XRCC5: variants seen among roughly 807,000 people sequenced by gnomAD.
XRCC5 encodes X-ray repair cross complementing 5.
In XRCC5, 12 loss-of-function variants were observed where a neutral mutation model predicts 95.7. The ratio of observed to expected loss-of-function variants is 0.13; its 90% CI spans 0.08 to 0.20. The LOEUF is 0.20. Among genes scored for constraint, XRCC5 ranks in the 10% least tolerant of loss-of-function variants. XRCC5 has a pLI of 1.00. For missense variants in XRCC5, 595 were observed against 873.9 expected, an observed-to-expected ratio of 0.68 and a Z score of 4.02; for synonymous variants, 281 against 290.3, an observed-to-expected ratio of 0.97 and a Z score of 0.33.
At chr2:216,151,475 C>T (rs1414710599) in intron 14 of XRCC5, among the ~76,000 whole-genome samples, 1 of 152,192 alleles carries the variant, frequency 6.6e-6, no homozygotes, top group East Asian at 1.9e-4. Context: ...CAGCAGACAT[C>T]CTCACTTGGT....
chr2:216,179,992 G>C (rs1224162452), intron 16 of XRCC5, among the ~76,000 whole-genome samples: 1 of 152,166 alleles, frequency 6.6e-6, no homozygotes, highest in Non-Finnish European at 1.5e-5. Flanking sequence ...CTGATCATTT[G>C]AATGTAGAGT....
chr2:216,167,163 C>T (rs561942164), intron 16 of XRCC5, among the ~76,000 whole-genome samples: 124 of 152,268 alleles, frequency 8.1e-4, no homozygotes, highest in Non-Finnish European at 8.1e-4. Flanking sequence ...TACAAGAGAG[C>T]AGTAATATGT....
intron 10 of XRCC5, among the ~76,000 whole-genome samples, chr2:216,135,099 G>T (rs77814875): frequency 1.4e-4 from 1 of 6,986 alleles, no homozygotes; most frequent in Non-Finnish European, 2.9e-4. Context: ...TAGTTTTTTT[G>T]TTTGTTTGTT....
At chr2:216,117,881 T>C (rs1398857967) in intron 4 of XRCC5, 87 bp downstream of exon 4, 7 of 1,345,928 alleles carry the variant, frequency 5.2e-6, no homozygotes, top group African/African-American at 1.4e-5. Flanking sequence ...TGTGATTCAT[T>C]GTTAATCAAG....
intron 14 of XRCC5, among the ~76,000 whole-genome samples, chr2:216,153,863 A>T (rs1490436846): frequency 6.6e-6 from 1 of 152,218 alleles, no homozygotes; most frequent in Non-Finnish European, 1.5e-5. Flanking sequence ...CTATCCCATC[A>T]ACTAAATAGC....
chr2:216,174,893 T>C, intron 16 of XRCC5: 1 of 333,946 alleles, frequency 3.0e-6, no homozygotes. Flanking sequence ...CTCTGCTGTT[T>C]TTAGAACCTT....
At chr2:216,116,116 A>AT (rs1696691270) in intron 2 of XRCC5, among the ~76,000 whole-genome samples, 1 of 152,160 alleles carries the variant, frequency 6.6e-6, no homozygotes, top group South Asian at 2.1e-4. Flanking sequence ...ATATTCTGCA[A>AT]TGTATTTTTG....
chr2:216,159,359 G>A (rs773764763), intron 14 of XRCC5, among the ~76,000 whole-genome samples: 12 of 148,872 alleles, frequency 8.1e-5, no homozygotes, highest in Non-Finnish European at 1.3e-4. Context: ...AAGACAGGCT[G>A]TTAAAGCCAG....
At chr2:216,134,496 C>T (rs1031115124) in intron 10 of XRCC5, among the ~76,000 whole-genome samples, 3 of 148,674 alleles carry the variant, frequency 2.0e-5, no homozygotes, top group Non-Finnish European at 3.0e-5. Context: ...GGTACGTTCT[C>T]GGTTCACTGT....
intron 6 of XRCC5, among the ~76,000 whole-genome samples, chr2:216,123,958 A>G (rs1222402670): frequency 6.6e-6 from 1 of 152,264 alleles, no homozygotes; most frequent in Non-Finnish European, 1.5e-5. Context: ...TAGGTCTGCC[A>G]TGAAGGTGTA....
chr2:216,192,476 A>C (rs1442796077), intron 17 of XRCC5, among the ~76,000 whole-genome samples, 163 bp from the exon 18 acceptor site: 1 of 152,184 alleles, frequency 6.6e-6, no homozygotes, highest in Non-Finnish European at 1.5e-5. Flanking sequence ...CCCAGTGAAC[A>C]CACCTCAGTT....
intron 1 of XRCC5, among the ~76,000 whole-genome samples, chr2:216,110,725 C>A (rs567416576): frequency 1.3e-5 from 2 of 152,186 alleles, no homozygotes; most frequent in Non-Finnish European, 1.5e-5. Context: ...GTGCTTTAGT[C>A]CTCTAGAGTT....
chr2:216,151,681 T>G (rs1688748488), intron 14 of XRCC5, among the ~76,000 whole-genome samples: 1 of 152,208 alleles, frequency 6.6e-6, no homozygotes, highest in Non-Finnish European at 1.5e-5. Flanking sequence ...TTCACTCTTG[T>G]ATCCCTAGGA....
chr2:216,204,075 C>T, intron 19 of XRCC5: 2 of 498,482 alleles, frequency 4.0e-6, no homozygotes, highest in Non-Finnish European at 3.7e-6. Context: ...CATGTTCTTT[C>T]CTCCCTCTTC....
At chr2:216,169,234 G>A (rs1460677781) in intron 16 of XRCC5, among the ~76,000 whole-genome samples, 1 of 152,248 alleles carries the variant, frequency 6.6e-6, no homozygotes, top group African/African-American at 2.4e-5. Context: ...TGGTCCTGAT[G>A]CATGAGTATT....
Position 216,138,166 on chromosome 2 carries a change from A to T in XRCC5, c.1329A>T (p.Lys443Asn). The change falls in exon 12 of 21, where the codon AAA (lysine) becomes AAT (asparagine). Residue 443 changes from lysine (K) to asparagine (N), a missense_variant. Transcript: ENST00000392132. ...YMFSSLKNSK[K>N]YAPTEAQLNA... is the part of the protein sequence containing the mutation. ...TTTCATCCTTGAAAAACAGTAAGAAATATGCTCCCACCGGTGAGTTTGTTT... is the reference window on the plus strand; with the variant it reads ...TTTCATCCTTGAAAAACAGTAAGAATTATGCTCCCACCGGTGAGTTTGTTT... 1 of 1,613,038 alleles carries T rather than the reference A, an allele frequency of 6.2e-7. No homozygotes were observed. Among genetic ancestry groups the T allele is most frequent in the Admixed American group, 1.7e-5 (1 of 59,964 alleles).
chr2:216,171,790 A>G (rs1689170824), intron 16 of XRCC5, among the ~76,000 whole-genome samples: 1 of 152,210 alleles, frequency 6.6e-6, no homozygotes, highest in Non-Finnish European at 1.5e-5. Context: ...AGAAACATCT[A>G]GTTTCTCTCT....
chr2:216,133,251 C>A (rs1049793822), intron 10 of XRCC5, among the ~76,000 whole-genome samples: 1 of 152,324 alleles, frequency 6.6e-6, no homozygotes, highest in South Asian at 2.1e-4. Flanking sequence ...ATTTGAGAAT[C>A]CTACTTCATG....
chr2:216,156,539 G>A, intron 14 of XRCC5: 1 of 602,808 alleles, frequency 1.7e-6, no homozygotes, highest in Non-Finnish European at 3.3e-6. Context: ...TTCAACACTG[G>A]CTTCCCGGTA....
Sources: gnomAD v4.1 joint callset for allele counts (sites outside exome capture counted in the v4.1 genomes callset) on GRCh38, gnomAD v4.1.1 for gene constraint, MANE v1.5 for transcripts, NCBI Gene and HGNC (gene_info 2026-07-23, HGNC 2026-07-21) for gene names.